Variants in LEMD1 observed in about 807,000 individuals in gnomAD.
LEMD1 encodes the protein LEM domain containing 1, also known as LEM domain-containing protein 1.
LEMD1 carries 18 observed loss-of-function variants against 17.4 expected under a neutral mutation model. The ratio of observed to expected loss-of-function variants is 1.04; its 90% CI spans 0.72 to 1.54. The LOEUF is 1.54. Among genes scored for constraint, LEMD1 ranks in the 40% most tolerant of loss-of-function variants. The probability of loss-of-function intolerance (pLI) is 0.00; values close to 1 mark genes in which losing one functional copy is unlikely to be tolerated. For missense variants in LEMD1, 195 were observed against 210.4 expected, an observed-to-expected ratio of 0.93 and a Z score of 0.45; for synonymous variants, 88 against 77.8, an observed-to-expected ratio of 1.13 and a Z score of -0.69.
intron 4 of LEMD1, among the ~76,000 whole-genome samples, chr1:205,415,185 A>G (rs1002328757): frequency 6.8e-6 from 1 of 147,284 alleles, no homozygotes; most frequent in African/African-American, 2.4e-5. Context: ...CATGGGGAGA[A>G]GCATGAACAC....
intron 1 of LEMD1, among the ~76,000 whole-genome samples, chr1:205,431,672 T>A (rs904448306): frequency 1.3e-5 from 2 of 152,140 alleles, no homozygotes; most frequent in African/African-American, 4.8e-5. Context: ...AATACACATT[T>A]TAGCTGGGGC....
chr1:205,429,800 G>T (rs1666102377), intron 1 of LEMD1, among the ~76,000 whole-genome samples: 1 of 152,112 alleles, frequency 6.6e-6, no homozygotes, highest in Non-Finnish European at 1.5e-5. Flanking sequence ...GGGGAGCAGG[G>T]ACAGGCATTT....
intron 1 of LEMD1, among the ~76,000 whole-genome samples, chr1:205,439,764 T>C (rs1316550721): frequency 6.6e-6 from 1 of 152,188 alleles, no homozygotes; most frequent in Non-Finnish European, 1.5e-5. Flanking sequence ...GCATCTCTGC[T>C]GCTGGCATTC....
intron 4 of LEMD1, among the ~76,000 whole-genome samples, chr1:205,399,218 A>C (rs1465009106): frequency 6.6e-6 from 1 of 151,972 alleles, no homozygotes; most frequent in Non-Finnish European, 1.5e-5. Flanking sequence ...CCATCTAAAA[A>C]AAAAAAAAAT....
intron 4 of LEMD1, among the ~76,000 whole-genome samples, chr1:205,400,846 C>G (rs1374572557): frequency 2.0e-5 from 2 of 100,724 alleles, no homozygotes; most frequent in Non-Finnish European, 3.9e-5. Flanking sequence ...CTATCCCTCC[C>G]CCCCCCCACC....
At chr1:205,387,149 C>T (rs1193473936) in intron 4 of LEMD1, 1 of 152,062 alleles carries the variant, frequency 6.6e-6, no homozygotes, top group Non-Finnish European at 1.5e-5. Context: ...TTTTCTTTTA[C>T]AATTTGTTTT....
At chr1:205,449,140 A>T (rs1666452547) in intron 1 of LEMD1, among the ~76,000 whole-genome samples, 1 of 152,154 alleles carries the variant, frequency 6.6e-6, no homozygotes, top group Admixed American at 6.5e-5. Flanking sequence ...AGGGGTGCGC[A>T]GTGCCCTGCC....
At chr1:205,400,852 C>G (rs1205887745) in intron 4 of LEMD1, among the ~76,000 whole-genome samples, 2 of 118,840 alleles carry the variant, frequency 1.7e-5, no homozygotes, top group African/African-American at 5.8e-5. Context: ...CTCCCCCCCC[C>G]CACCCCACAA....
chr1:205,387,834 T>C (rs1388722460), intron 4 of LEMD1, among the ~76,000 whole-genome samples: 1 of 152,228 alleles, frequency 6.6e-6, no homozygotes, highest in Admixed American at 6.5e-5. Context: ...GTCAGAGATA[T>C]GCCAATACAA....
intron 4 of LEMD1, among the ~76,000 whole-genome samples, chr1:205,412,456 T>C (rs567471457): frequency 6.6e-6 from 1 of 152,142 alleles, no homozygotes; most frequent in Non-Finnish European, 1.5e-5. Flanking sequence ...ATATTCCATA[T>C]CTCTAAGTGG....
rs147680866 is a variant in LEMD1, at chr1:205,448,638, TGAG to T, written c.-39+1227_-39+1229del. 0.023 allele frequency among the ~76,000 whole-genome samples: 3,431 copies of T among 152,274 alleles called. 72 individuals are homozygous for T. Among genetic ancestry groups the T allele is most frequent in the Non-Finnish European group, 0.034 (2,280 of 68,000 alleles). On this transcript the variant is annotated intron_variant, in intron 1 of 3. Coordinates refer to the LEMD1 transcript ENST00000367154. The surrounding 1 kb of genome is among the most constrained non-coding windows in gnomAD (Gnocchi z 4.7). ...ACACAATGGTCCTCACTCCAGGGTATGAGGAGGGGTGGCTTCCTGGCCATAAAG... is the reference window on the plus strand; with the variant it reads ...ACACAATGGTCCTCACTCCAGGGTATGAGGGGTGGCTTCCTGGCCATAAAG...
intron 4 of LEMD1, among the ~76,000 whole-genome samples, chr1:205,407,875 C>T (rs1016196122): frequency 3.9e-5 from 6 of 152,180 alleles, no homozygotes; most frequent in Non-Finnish European, 8.8e-5. Flanking sequence ...TGGCTGGTGT[C>T]TGGAGAGTTG....
At chr1:205,389,587 G>T (rs11240467) in intron 4 of LEMD1, among the ~76,000 whole-genome samples, 1 of 152,012 alleles carries the variant, frequency 6.6e-6, no homozygotes, top group South Asian at 2.1e-4. Flanking sequence ...GCTGGACTTG[G>T]AGAAGTCAGA....
rs186066474 is a variant in LEMD1 at position 205,433,908 on chromosome 1, G to A, written c.-38-13334C>T. Among the ~76,000 whole-genome samples the A allele has an allele frequency of 5.1e-4, 77 of 152,300 alleles. 1 individual carries two copies. The highest frequency in any genetic ancestry group is 1.8e-3 in the African/African-American group (75 of 41,562). On this transcript the variant is annotated intron_variant, in intron 1 of 3. Coordinates refer to the LEMD1 transcript ENST00000367154. ...TTGCCTTACAGGAGACTGGCTTTGG[G>A]GTTAGACTTGATGGCCTGATCTCTC...
At chr1:205,394,845 GGT>G (rs1030036343) in intron 4 of LEMD1, among the ~76,000 whole-genome samples, 1 of 151,934 alleles carries the variant, frequency 6.6e-6, no homozygotes, top group Non-Finnish European at 1.5e-5. Context: ...AAATTAGCCG[GGT>G]GTGGTGACGT....
At chr1:205,431,366 T>A (rs972608859) in intron 1 of LEMD1, among the ~76,000 whole-genome samples, 1 of 152,222 alleles carries the variant, frequency 6.6e-6, no homozygotes, top group Admixed American at 6.5e-5. Flanking sequence ...AGTTAACTCA[T>A]ATTGAACACC....
At chr1:205,431,351 C>T (rs1352620614) in intron 1 of LEMD1, among the ~76,000 whole-genome samples, 3 of 152,222 alleles carry the variant, frequency 2.0e-5, no homozygotes, top group Non-Finnish European at 4.4e-5. Context: ...TTCAACGAAC[C>T]TTCCAGTTAA....
rs1665580165 is a variant in LEMD1, at chr1:205,414,044, TG to T, written c.270+2187del. Among the ~76,000 whole-genome samples the T allele has an allele frequency of 2.6e-5, 4 of 152,188 alleles. No homozygotes were observed. The South Asian group carries it at 8.3e-4, about 32-fold the overall frequency. On this transcript the variant is annotated intron_variant, in intron 4 of 5. Transcript: ENST00000367153. ...CAGGCATAAAGAACAGTTGAAGTAA[TG>T]GTTCATGGGAAGACAGTGTGAGAGG...
intron 4 of LEMD1, among the ~76,000 whole-genome samples, chr1:205,409,486 G>A (rs1458023239): frequency 6.6e-6 from 1 of 152,158 alleles, no homozygotes; most frequent in Admixed American, 6.5e-5. Context: ...ACTCTGTGAG[G>A]TTGATACTGT....
Sources: allele counts gnomAD v4.1 joint callset (sites outside exome capture counted in the v4.1 genomes callset), GRCh38; gene constraint gnomAD v4.1.1; non-coding constraint Gnocchi (gnomAD v3.1); transcripts MANE v1.5; gene names NCBI Gene and HGNC (gene_info 2026-07-23, HGNC 2026-07-21).